The following RAB11FIP4 variants were observed in gnomAD, a reference collection of about 807,000 sequenced individuals.
The protein encoded by RAB11FIP4 is rab11 family-interacting protein 4.
RAB11FIP4 carries 23 observed loss-of-function variants against 74.3 expected under a neutral mutation model. The ratio of observed to expected loss-of-function variants is 0.31; its 90% CI spans 0.22 to 0.44. RAB11FIP4 has a LOEUF of 0.44. RAB11FIP4 is among the 20% of genes least tolerant of loss of function. The pLI, the probability that RAB11FIP4 is intolerant of heterozygous loss-of-function variation, is 1.00. For synonymous variants in RAB11FIP4, 360 were observed against 359.9 expected, an observed-to-expected ratio of 1.00 and a Z score of 0.00; for missense variants, 630 against 863.9, an observed-to-expected ratio of 0.73 and a Z score of 3.39.
chr17:31,511,602 C>T (rs1597970028), intron 3 of RAB11FIP4, among the ~76,000 whole-genome samples: 1 of 152,330 alleles, frequency 6.6e-6, no homozygotes, highest in East Asian at 1.9e-4. Flanking sequence ...GGAAGGTGGA[C>T]ATGTGGTCAC....
At chr17:31,470,163 C>T (rs555088957) in intron 3 of RAB11FIP4, among the ~76,000 whole-genome samples, 4 of 152,266 alleles carry the variant, frequency 2.6e-5, no homozygotes, top group Non-Finnish European at 5.9e-5. Flanking sequence ...ATCCCACATC[C>T]TCTGCCTGCC....
chr17:31,454,376 C>T lies in RAB11FIP4; in HGVS notation c.336+20254C>T, dbSNP rs547972433. Among the ~76,000 whole-genome samples the T allele has an allele frequency of 6.6e-4, 100 of 152,204 alleles. 1 individual carries two copies. The highest frequency in any genetic ancestry group is 2.3e-3 in the African/African-American group (96 of 41,570). The stretch of plus-strand genomic sequence containing the variant: ...GCAACCTCCGCCTCCTGGGTTCAAG[C>T]GATTCTCCTGCCTCAGCCTCCCGAG... On this transcript the variant is annotated intron_variant, in intron 3 of 14. Coordinates refer to ENST00000621161, the MANE Select transcript of RAB11FIP4 (RefSeq NM_032932.6).
At chr17:31,428,475 G>A (rs867491675) in intron 1 of RAB11FIP4, among the ~76,000 whole-genome samples, 5 of 152,260 alleles carry the variant, frequency 3.3e-5, no homozygotes, top group South Asian at 2.1e-4. Flanking sequence ...CTGCAGCCCA[G>A]CCTGAGCAGA....
intron 1 of RAB11FIP4, among the ~76,000 whole-genome samples, chr17:31,429,202 CT>C (rs1226167982): frequency 1.3e-5 from 2 of 152,120 alleles, no homozygotes; most frequent in Non-Finnish European, 2.9e-5. Flanking sequence ...GGACAGGGTC[CT>C]TGCCCTTAGG....
rs566404697 is a variant in RAB11FIP4 at position 31,458,033 on chromosome 17, C to T, written c.336+23911C>T. 5.9e-5 allele frequency among the ~76,000 whole-genome samples: 9 copies of T among 152,304 alleles called. No individual in the cohort carries two copies. The South Asian group carries it at 1.2e-3, about 21-fold the overall frequency. On this transcript the variant is annotated intron_variant, in intron 3 of 14. Transcript: ENST00000621161. ...CCCCATGCTAATCTCCTTTAACCAC[C>T]CCCAGCAGACCAACCCTGCCAAGTA...
chr17:31,402,535 ATTGGG>A (rs1440148707), intron 1 of RAB11FIP4, among the ~76,000 whole-genome samples: 8 of 152,130 alleles, frequency 5.3e-5, no homozygotes, highest in South Asian at 2.1e-4. Context: ...CACACAGGCC[ATTGGG>A]TCTGGCAAGA....
At chr17:31,514,442 G>C (rs954123753) in intron 3 of RAB11FIP4, among the ~76,000 whole-genome samples, 1 of 151,930 alleles carries the variant, frequency 6.6e-6, no homozygotes, top group African/African-American at 2.4e-5. Context: ...GTGGCTGTAG[G>C]GGGAAGGTGG....
At chr17:31,437,498 T>C (rs1319912002) in intron 3 of RAB11FIP4, among the ~76,000 whole-genome samples, 2 of 152,058 alleles carry the variant, frequency 1.3e-5, no homozygotes, top group Admixed American at 6.5e-5. Context: ...CCTGGATCAC[T>C]ACGTAGGCTT....
chr17:31,402,919 C>G (rs2151615734), intron 1 of RAB11FIP4, among the ~76,000 whole-genome samples: 1 of 152,260 alleles, frequency 6.6e-6, no homozygotes, highest in East Asian at 1.9e-4. Context: ...GCCACCGCGC[C>G]TGGCCAGATT....
chr17:31,402,587 A>ATTTTTTTTAT (rs2070997290), intron 1 of RAB11FIP4, among the ~76,000 whole-genome samples: 1 of 122,822 alleles, frequency 8.1e-6, no homozygotes, highest in African/African-American at 3.7e-5. Context: ...GGCTCAGATT[A>ATTTTTTTTAT]TTTTATTTAT....
At chr17:31,520,490 TG>T (rs1157974255) in intron 4 of RAB11FIP4, among the ~76,000 whole-genome samples, 3 of 152,242 alleles carry the variant, frequency 2.0e-5, no homozygotes, top group South Asian at 2.1e-4. Context: ...CTACTCCGAA[TG>T]TTTTTTTGTT....
intron 1 of RAB11FIP4, among the ~76,000 whole-genome samples, chr17:31,398,305 G>T (rs894594346): frequency 6.6e-6 from 1 of 152,176 alleles, no homozygotes; most frequent in Admixed American, 6.5e-5. Flanking sequence ...CTCCCAAGGT[G>T]CTGGGATTAC....
At chr17:31,397,488 C>T (rs1408155177) in intron 1 of RAB11FIP4, among the ~76,000 whole-genome samples, 1 of 152,190 alleles carries the variant, frequency 6.6e-6, no homozygotes, top group East Asian at 1.9e-4. Context: ...ATGTGCCCCA[C>T]CCTAATGAGG....
intron 3 of RAB11FIP4, among the ~76,000 whole-genome samples, chr17:31,481,806 T>C (rs970668946): frequency 1.3e-5 from 2 of 152,148 alleles, no homozygotes; most frequent in African/African-American, 4.8e-5. Flanking sequence ...CCATTGTTTA[T>C]ACATGCACAG....
chr17:31,528,176 A>G (rs1279424805), intron 11 of RAB11FIP4, among the ~76,000 whole-genome samples: 1 of 152,264 alleles, frequency 6.6e-6, no homozygotes, highest in Non-Finnish European at 1.5e-5. Context: ...TTCAGGTTGC[A>G]TCTAGCATCG....
chr17:31,524,177 G>A (rs942074679), intron 9 of RAB11FIP4, 181 bp downstream of exon 9: 9 of 582,028 alleles, frequency 1.5e-5, no homozygotes, highest in African/African-American at 1.1e-4. Flanking sequence ...GGACCTTAGG[G>A]ACAGGGAGAC....
chr17:31,503,022 A>C (rs61303451), intron 3 of RAB11FIP4, among the ~76,000 whole-genome samples: 28,989 of 116,200 alleles, frequency 0.25, 3,062 homozygotes, highest in East Asian at 0.51. Flanking sequence ...CCTCTTTATT[A>C]TTATTATTAT....
At chr17:31,453,369 A>AAAAC (rs2071544291) in intron 3 of RAB11FIP4, among the ~76,000 whole-genome samples, 1 of 149,398 alleles carries the variant, frequency 6.7e-6, no homozygotes, top group East Asian at 2.0e-4. Flanking sequence ...AAAAAAAAAA[A>AAAAC]AAAAAAAAAA....
At chr17:31,476,165 G>A (rs1221922289) in intron 3 of RAB11FIP4, among the ~76,000 whole-genome samples, 1 of 134,866 alleles carries the variant, frequency 7.4e-6, no homozygotes, top group Admixed American at 7.8e-5. Context: ...AATGAGAATC[G>A]ACTGAACTTT....
Sources: allele counts gnomAD v4.1 joint callset (sites outside exome capture counted in the v4.1 genomes callset), GRCh38; gene constraint gnomAD v4.1.1; transcripts MANE v1.5; gene names NCBI Gene and HGNC (gene_info 2026-07-23, HGNC 2026-07-21).